CNTN4: variants seen among roughly 807,000 people sequenced by gnomAD.
The protein encoded by CNTN4 is contactin-4.
CNTN4 carries 77 observed loss-of-function variants against 122.5 expected under a neutral mutation model. That is an observed-to-expected ratio of 0.63 (90% CI 0.52 to 0.76). The LOEUF (loss-of-function observed/expected upper bound fraction) is 0.76, where lower values mean the gene tolerates loss of function less well. Ranked by LOEUF, CNTN4 falls within the 30% of genes least tolerant of loss-of-function variation. The pLI is 0.00. For missense variants in CNTN4, 1,256 were observed against 1,259.1 expected (o/e 1.00, Z 0.04); for synonymous variants, 512 against 447.0 (o/e 1.15, Z -1.83).
chr3:2,661,897 T>G (rs1286318177), intron 4 of CNTN4, among the ~76,000 whole-genome samples: 1 of 152,000 alleles, frequency 6.6e-6, no homozygotes, highest in Non-Finnish European at 1.5e-5. Flanking sequence ...GTAATAAATG[T>G]TTTTTAAGTC....
intron 3 of CNTN4, among the ~76,000 whole-genome samples, chr3:2,559,989 A>G (rs1384319366): frequency 6.6e-6 from 1 of 152,244 alleles, no homozygotes; most frequent in Non-Finnish European, 1.5e-5. Context: ...TCTAATAGTT[A>G]GCTATAAATA....
At chr3:2,935,317 A>C (rs1191639685) in intron 13 of CNTN4, among the ~76,000 whole-genome samples, 2 of 152,198 alleles carry the variant, frequency 1.3e-5, no homozygotes, top group African/African-American at 2.4e-5. Flanking sequence ...AAAAGTGTCC[A>C]ATCTAAAGGT....
chr3:2,933,052 G>A (rs890849111), intron 13 of CNTN4, among the ~76,000 whole-genome samples: 5 of 152,020 alleles, frequency 3.3e-5, no homozygotes, highest in Admixed American at 6.5e-5. Context: ...TCGATCTCCT[G>A]ACCTCGTGAT....
chr3:2,526,360 G>A (rs1023188781), intron 3 of CNTN4, among the ~76,000 whole-genome samples: 1 of 152,078 alleles, frequency 6.6e-6, no homozygotes, highest in Non-Finnish European at 1.5e-5. Flanking sequence ...CATATTTAAA[G>A]GACAAATTCT....
In CNTN4 at chr3:2,945,696, G is replaced by A. The variant is rs1453770377; in HGVS notation, c.1358+19917G>A. ...ATCAGATCAATAAAACCACCTCTTC[G>A]CCTAGTTCCTATGACTTTTTATGCA... On this transcript the variant is annotated intron_variant, in intron 13 of 24. Transcript: ENST00000418658. 2.0e-5 allele frequency among the ~76,000 whole-genome samples: 3 copies of A among 152,122 alleles called. No homozygotes were observed. In the East Asian group the frequency reaches 5.8e-4, roughly 29 times the overall value.
At position 2,869,794 on chromosome 3, in the gene CNTN4, G is replaced by A. The variant is rs75690977; in HGVS notation, c.652+2845G>A. On this transcript the variant is annotated intron_variant, in intron 8 of 24. Coordinates refer to ENST00000418658, the MANE Select transcript of CNTN4 (RefSeq NM_175607.3). ...ATGTTAAATTAATATGTTGGATTAAGCTACATTATATTCAATAAAACTGAA... is the reference window on the plus strand; with the variant it reads ...ATGTTAAATTAATATGTTGGATTAAACTACATTATATTCAATAAAACTGAA... Among the ~76,000 whole-genome samples, 829 of 152,266 alleles carry A rather than the reference G, an allele frequency of 5.4e-3. 7 individuals are homozygous for A. The highest frequency in any genetic ancestry group is 0.019 in the African/African-American group (793 of 41,540).
chr3:2,790,414 C>T (rs761556978), intron 6 of CNTN4, among the ~76,000 whole-genome samples: 19 of 152,174 alleles, frequency 1.2e-4, no homozygotes, highest in Non-Finnish European at 2.6e-4. Context: ...GCTATTTTTT[C>T]TGAAAGATCT....
intron 2 of CNTN4, among the ~76,000 whole-genome samples, chr3:2,110,930 A>T (rs1412827476): frequency 6.6e-6 from 1 of 152,232 alleles, no homozygotes; most frequent in African/African-American, 2.4e-5. Context: ...GCATCATGTT[A>T]GTGAAAATTC....
chr3:2,895,257 T>G (rs2094094839), intron 10 of CNTN4, among the ~76,000 whole-genome samples: 1 of 152,136 alleles, frequency 6.6e-6, no homozygotes, highest in African/African-American at 2.4e-5. Flanking sequence ...ATTACAGGCA[T>G]GAGCCACCAC....
At chr3:2,637,987 T>G (rs1326774848) in intron 4 of CNTN4, among the ~76,000 whole-genome samples, 1 of 152,332 alleles carries the variant, frequency 6.6e-6, no homozygotes, top group Admixed American at 6.5e-5. Context: ...GGCAAATTGC[T>G]AATTCCTTCA....
intron 3 of CNTN4, among the ~76,000 whole-genome samples, chr3:2,535,042 ACT>A (rs2077747022): frequency 6.6e-6 from 1 of 152,092 alleles, no homozygotes; most frequent in Non-Finnish European, 1.5e-5. Context: ...GCAAGAATTG[ACT>A]CTGGGCATAG....
intron 2 of CNTN4, among the ~76,000 whole-genome samples, chr3:2,104,148 C>A (rs2032228137): frequency 6.6e-6 from 1 of 151,988 alleles, no homozygotes; most frequent in South Asian, 2.1e-4. Flanking sequence ...TTTCCCTGAG[C>A]CTCACATCCT....
chr3:2,868,052 C>A (rs1198790050), intron 8 of CNTN4, among the ~76,000 whole-genome samples: 2 of 151,996 alleles, frequency 1.3e-5, no homozygotes, highest in African/African-American at 4.8e-5. Context: ...TTTTTAAATC[C>A]TTTTACTGTC....
chr3:2,226,774 G>A (rs2039299638), intron 2 of CNTN4, among the ~76,000 whole-genome samples: 1 of 152,040 alleles, frequency 6.6e-6, no homozygotes, highest in Admixed American at 6.6e-5. Context: ...GTATTATAAA[G>A]CAGTAATATA....
At chr3:2,940,543 T>C (rs1212740322) in intron 13 of CNTN4, among the ~76,000 whole-genome samples, 1 of 151,918 alleles carries the variant, frequency 6.6e-6, no homozygotes, top group Non-Finnish European at 1.5e-5. Context: ...ATGGAGGAGA[T>C]TGGGGAATAT....
intron 2 of CNTN4, among the ~76,000 whole-genome samples, chr3:2,133,343 C>G (rs1037684922): frequency 4.6e-5 from 7 of 152,104 alleles, no homozygotes; most frequent in Non-Finnish European, 1.0e-4. Flanking sequence ...GTCATTGTCT[C>G]TTCAGGTGGA....
chr3:3,023,366 A>G (rs1026246052), intron 14 of CNTN4, among the ~76,000 whole-genome samples: 1 of 152,220 alleles, frequency 6.6e-6, no homozygotes, highest in African/African-American at 2.4e-5. Flanking sequence ...CTGCACCAAC[A>G]TAATCCTTGA....
chr3:2,394,460 C>T (rs1188232565), intron 3 of CNTN4, among the ~76,000 whole-genome samples: 1 of 151,998 alleles, frequency 6.6e-6, no homozygotes, highest in Admixed American at 6.6e-5. Context: ...TACCAATGTA[C>T]ACATGAAAAA....
chr3:2,583,434 G>C (rs181406260), intron 4 of CNTN4, among the ~76,000 whole-genome samples: 293 of 152,336 alleles, frequency 1.9e-3, no homozygotes, highest in African/African-American at 6.4e-3. Context: ...AATCAAAATA[G>C]TGAGAATGTC....
Sources: allele counts gnomAD v4.1 joint callset (sites outside exome capture counted in the v4.1 genomes callset), GRCh38; gene constraint gnomAD v4.1.1; transcripts MANE v1.5; gene names NCBI Gene and HGNC (gene_info 2026-07-23, HGNC 2026-07-21).